Variants in STRN observed in about 807,000 individuals in gnomAD.
STRN encodes the protein protein phosphatase 2 regulatory subunit B'''alpha.
A neutral mutation model predicts 96.3 loss-of-function variants in STRN; 53 were observed. The observed-to-expected ratio is 0.55, with a 90% CI of 0.44 to 0.69. STRN has a LOEUF of 0.69. STRN is among the 30% of genes least tolerant of loss of function. The probability of loss-of-function intolerance (pLI) is 0.00; values close to 1 mark genes in which losing one functional copy is unlikely to be tolerated. For synonymous variants in STRN, 428 were observed against 355.9 expected (o/e 1.20, Z -2.28); for missense variants, 987 against 963.9 (o/e 1.02, Z -0.32).
chr2:36,951,660 CATTT>C (rs1336433385), intron 1 of STRN, among the ~76,000 whole-genome samples: 2 of 152,152 alleles, frequency 1.3e-5, no homozygotes, highest in Admixed American at 6.5e-5. Context: ...ATGATTCATT[CATTT>C]AAGAACCACT....
chr2:36,861,506 T>C (rs994687453), intron 12 of STRN, among the ~76,000 whole-genome samples: 1 of 152,150 alleles, frequency 6.6e-6, no homozygotes, highest in Non-Finnish European at 1.5e-5. Context: ...GAATGGTCTT[T>C]ACATTTTTAA....
Position 36,877,925 on chromosome 2 carries a change from G to C in STRN, c.1289C>G (p.Thr430Arg). 1 of 1,614,122 alleles carries C rather than the reference G, an allele frequency of 6.2e-7. No homozygotes were observed. Among genetic ancestry groups the C allele is most frequent in the Non-Finnish European group, 8.5e-7 (1 of 1,180,016 alleles). ...TAGTGAGTCTGCTTCATTGGCCACC[G>C]TAAGGCCTGCTAGTTCTCCAAGTCC... ...ELGLGELAGL[T>R]VANEADSLTY... The change falls in exon 10 of 18, where the codon ACG becomes AGG. Residue 430 changes from threonine to arginine, a missense_variant. Physicochemically the swap from Thr to Arg is moderately conservative, Grantham distance 71. Coordinates refer to ENST00000263918, the MANE Select transcript of STRN (RefSeq NM_003162.4).
intron 3 of STRN, among the ~76,000 whole-genome samples, chr2:36,912,685 A>C (rs533035871): frequency 3.9e-5 from 6 of 152,208 alleles, no homozygotes; most frequent in Non-Finnish European, 8.8e-5. Context: ...GAGTGCCACC[A>C]GTACCATATG....
chr2:36,861,047 T>C, intron 13 of STRN, 85 bp downstream of exon 13: 1 of 1,496,352 alleles, frequency 6.7e-7, no homozygotes, highest in South Asian at 1.3e-5. Flanking sequence ...TTCAAAAATC[T>C]CTTTATCTCT....
chr2:36,920,045 G>A (rs1670209986), intron 2 of STRN, among the ~76,000 whole-genome samples: 2 of 151,374 alleles, frequency 1.3e-5, no homozygotes, highest in Admixed American at 6.6e-5. Context: ...AGAAAATCAT[G>A]TAAAATCATG....
chr2:36,944,677 T>G (rs1396801626), intron 1 of STRN, among the ~76,000 whole-genome samples: 1 of 152,136 alleles, frequency 6.6e-6, no homozygotes, highest in Non-Finnish European at 1.5e-5. Context: ...TTCCTATTTG[T>G]AAATATACAT....
chr2:36,872,263 G>T (rs566369818), intron 10 of STRN, among the ~76,000 whole-genome samples: 10 of 152,150 alleles, frequency 6.6e-5, no homozygotes, highest in African/African-American at 2.4e-4. Flanking sequence ...ACTCACACTG[G>T]GGGGAGCCAG....
intron 15 of STRN, among the ~76,000 whole-genome samples, chr2:36,854,546 T>C (rs1395595885): frequency 6.6e-6 from 1 of 152,194 alleles, no homozygotes; most frequent in Non-Finnish European, 1.5e-5. Flanking sequence ...TGCATGTACA[T>C]GTTCACACAT....
intron 13 of STRN, 137 bp downstream of exon 13, chr2:36,860,995 T>A (rs2148137113): frequency 9.3e-7 from 1 of 1,078,336 alleles, no homozygotes; most frequent in Non-Finnish European, 1.3e-6. Flanking sequence ...ACAGAAGTCC[T>A]TTTTAACAAA....
At chr2:36,910,461 G>A (rs750749023) in intron 3 of STRN, among the ~76,000 whole-genome samples, 1 of 152,146 alleles carries the variant, frequency 6.6e-6, no homozygotes, top group African/African-American at 2.4e-5. Context: ...CAAAGACTGG[G>A]AAGAGGAGAA....
intron 2 of STRN, among the ~76,000 whole-genome samples, chr2:36,916,978 C>T (rs966533306): frequency 6.7e-6 from 1 of 149,632 alleles, no homozygotes; most frequent in Admixed American, 6.7e-5. Context: ...AATATTGAGG[C>T]CATTTATAAT....
chr2:36,930,897 G>A (rs1421546723), intron 1 of STRN, among the ~76,000 whole-genome samples: 1 of 151,990 alleles, frequency 6.6e-6, no homozygotes, highest in African/African-American at 2.4e-5. Context: ...TTAGCCAGGT[G>A]TGGTGGCAAG....
At chr2:36,856,800 G>A (rs1257562748) in intron 14 of STRN, among the ~76,000 whole-genome samples, 1 of 152,114 alleles carries the variant, frequency 6.6e-6, no homozygotes, top group East Asian at 1.9e-4. Context: ...TCATGGGGTG[G>A]ATTTTCCCCT....
chr2:36,857,450 G>A (rs981408030), intron 14 of STRN, among the ~76,000 whole-genome samples: 1 of 152,006 alleles, frequency 6.6e-6, no homozygotes, highest in South Asian at 2.1e-4. Context: ...TGAGGCAGGC[G>A]AATCACTTGA....
chr2:36,926,738 C>G (rs1670420536), intron 1 of STRN, among the ~76,000 whole-genome samples: 1 of 152,070 alleles, frequency 6.6e-6, no homozygotes, highest in Non-Finnish European at 1.5e-5. Context: ...TTACATTTAC[C>G]TTACTGAAAT....
At chr2:36,923,719 T>C (rs1218856440) in intron 2 of STRN, among the ~76,000 whole-genome samples, 1 of 152,140 alleles carries the variant, frequency 6.6e-6, no homozygotes, top group African/African-American at 2.4e-5. Flanking sequence ...TGCTATTTTA[T>C]TGCAAATATC....
At chr2:36,859,845 A>G (rs901357201) in intron 13 of STRN, among the ~76,000 whole-genome samples, 7 of 152,230 alleles carry the variant, frequency 4.6e-5, no homozygotes, top group Non-Finnish European at 7.3e-5. Flanking sequence ...ATAAAAGACT[A>G]AAAATATTCT....
chr2:36,871,493 G>T (rs1668762007), intron 10 of STRN, among the ~76,000 whole-genome samples: 1 of 152,104 alleles, frequency 6.6e-6, no homozygotes, highest in Non-Finnish European at 1.5e-5. Flanking sequence ...ACTCTATGAT[G>T]TTTGCACAAC....
chr2:36,903,381 C>T (rs778402073), intron 4 of STRN, among the ~76,000 whole-genome samples: 1 of 152,160 alleles, frequency 6.6e-6, no homozygotes, highest in Admixed American at 6.5e-5. Flanking sequence ...CTGTTTCTGC[C>T]ACTTACTTGC....
Sources: allele counts gnomAD v4.1 joint callset (sites outside exome capture counted in the v4.1 genomes callset), GRCh38; gene constraint gnomAD v4.1.1; transcripts MANE v1.5; gene names NCBI Gene and HGNC (gene_info 2026-07-23, HGNC 2026-07-21).